CNTN5: variants seen among roughly 807,000 people sequenced by gnomAD.
CNTN5 encodes contactin 5, also known as contactin-5.
In CNTN5, 77 loss-of-function variants were observed where a neutral mutation model predicts 129.1. That is an observed-to-expected ratio of 0.60 (90% CI 0.50 to 0.72). CNTN5 has a LOEUF of 0.72. Ranked by LOEUF, CNTN5 falls within the 30% of genes least tolerant of loss-of-function variation. The pLI is 0.00. For synonymous variants in CNTN5, 509 were observed against 465.6 expected (o/e 1.09, Z -1.20); for missense variants, 1,478 against 1,328.8 (o/e 1.11, Z -1.75).
At chr11:100,201,514 T>A (rs1948776648) in intron 15 of CNTN5, among the ~76,000 whole-genome samples, 1 of 151,968 alleles carries the variant, frequency 6.6e-6, no homozygotes, top group South Asian at 2.1e-4. Context: ...CTAATAACCA[T>A]CTTTTCTCAG....
At chr11:99,024,832 T>C (rs955763100) in intron 1 of CNTN5, among the ~76,000 whole-genome samples, 26 of 151,976 alleles carry the variant, frequency 1.7e-4, no homozygotes, top group Non-Finnish European at 3.8e-4. Flanking sequence ...TAATATAAAA[T>C]AGTGTGAGAT....
intron 2 of CNTN5, among the ~76,000 whole-genome samples, chr11:99,432,497 TTC>T (rs1555143587): frequency 1.0e-4 from 15 of 143,568 alleles, no homozygotes; most frequent in African/African-American, 3.6e-4. Flanking sequence ...TTTCTTTTCT[TTC>T]TTTTCTTTCT....
At chr11:100,142,713 T>C (rs1312445205) in intron 13 of CNTN5, among the ~76,000 whole-genome samples, 2 of 152,188 alleles carry the variant, frequency 1.3e-5, no homozygotes, top group African/African-American at 4.8e-5. Flanking sequence ...ACTGTGTTTC[T>C]TGGTTACCCT....
intron 1 of CNTN5, among the ~76,000 whole-genome samples, chr11:99,157,884 G>A (rs1055748749): frequency 6.6e-6 from 1 of 152,188 alleles, no homozygotes; most frequent in Admixed American, 6.5e-5. Context: ...AAGAAACTGA[G>A]TGGCATATGC....
chr11:100,331,925 G>A (rs1363742550), intron 21 of CNTN5, among the ~76,000 whole-genome samples: 1 of 151,910 alleles, frequency 6.6e-6, no homozygotes, highest in Non-Finnish European at 1.5e-5. Context: ...ACACTTCAGA[G>A]AACTGAAGAA....
chr11:99,788,418 A>G lies in CNTN5; in HGVS notation c.56-31126A>G, dbSNP rs192068522. 4.6e-5 allele frequency among the ~76,000 whole-genome samples: 7 copies of G among 152,112 alleles called. No individual in the cohort carries two copies. In the East Asian group the frequency reaches 1.4e-3, roughly 29 times the overall value. ...GCTCAAAGACAGGACTTATTTCGGT[A>G]TATAAATTTTTGTATACCTATAGAA... On this transcript the variant is annotated intron_variant, in intron 3 of 24. Transcript: ENST00000524871.
chr11:100,070,164 C>G (rs1279896639), intron 10 of CNTN5, among the ~76,000 whole-genome samples: 1 of 86,574 alleles, frequency 1.2e-5, no homozygotes, highest in Non-Finnish European at 2.3e-5. Flanking sequence ...CACTTAAAGT[C>G]CAAAAAAAAA....
intron 8 of CNTN5, among the ~76,000 whole-genome samples, chr11:99,975,636 GGA>G (rs980239139): frequency 3.3e-5 from 5 of 152,110 alleles, no homozygotes; most frequent in African/African-American, 9.7e-5. Context: ...CGTGGCAGCA[GGA>G]GAGAGAGATC....
At chr11:99,883,708 A>G (rs1302326032) in intron 6 of CNTN5, among the ~76,000 whole-genome samples, 5 of 152,218 alleles carry the variant, frequency 3.3e-5, no homozygotes, top group Non-Finnish European at 5.9e-5. Context: ...GTATTTATAA[A>G]GTATGGCTGT....
chr11:99,022,036 G>A (rs868466464), intron 1 of CNTN5, among the ~76,000 whole-genome samples: 2 of 152,086 alleles, frequency 1.3e-5, no homozygotes, highest in Admixed American at 6.5e-5. Context: ...TTAAATCTTA[G>A]AACTGTTCTC....
chr11:100,107,329 A>T (rs1043045344), intron 13 of CNTN5, among the ~76,000 whole-genome samples: 3 of 152,054 alleles, frequency 2.0e-5, no homozygotes, highest in Non-Finnish European at 2.9e-5. Context: ...ATTTATTAAA[A>T]ATAATTTCTA....
rs944087699 is a variant in CNTN5 at position 99,670,345 on chromosome 11, G to A, written c.55+114076G>A. On this transcript the variant is annotated intron_variant, in intron 3 of 24. Coordinates refer to ENST00000524871, the MANE Select transcript of CNTN5 (RefSeq NM_014361.4). ...CCCATTGAAGAATTATGACCCTTTT[G>A]TCTCCTTGAAAAACTAGGAGTCATC... Among the ~76,000 whole-genome samples the A allele has an allele frequency of 6.6e-5, 10 of 152,148 alleles. No individual in the cohort carries two copies. In the East Asian group the frequency reaches 1.7e-3, roughly 27 times the overall value.
At chr11:99,299,229 A>G (rs1864519392) in intron 1 of CNTN5, among the ~76,000 whole-genome samples, 1 of 152,208 alleles carries the variant, frequency 6.6e-6, no homozygotes, top group African/African-American at 2.4e-5. Flanking sequence ...TTACTAGACA[A>G]AAGACTTTAA....
chr11:99,328,034 C>T (rs1231527780), intron 2 of CNTN5, among the ~76,000 whole-genome samples: 1 of 152,110 alleles, frequency 6.6e-6, no homozygotes, highest in Non-Finnish European at 1.5e-5. Flanking sequence ...GTATGCATCT[C>T]TTAGAGAGTA....
At chr11:99,902,035 GTCTTTC>G (rs1949371003) in intron 6 of CNTN5, among the ~76,000 whole-genome samples, 1 of 152,132 alleles carries the variant, frequency 6.6e-6, no homozygotes, top group Admixed American at 6.5e-5. Flanking sequence ...TCAAATCCAT[GTCTTTC>G]TGATTCTAGA....
chr11:99,988,321 A>T (rs1054147748), intron 8 of CNTN5, among the ~76,000 whole-genome samples: 2 of 152,216 alleles, frequency 1.3e-5, no homozygotes, highest in Non-Finnish European at 2.9e-5. Flanking sequence ...TTTTTTGCCC[A>T]GAGTTATGCA....
chr11:99,861,712 G>A (rs1284302423), intron 6 of CNTN5, among the ~76,000 whole-genome samples: 1 of 152,154 alleles, frequency 6.6e-6, no homozygotes, highest in Non-Finnish European at 1.5e-5. Context: ...TGAAGTCGCA[G>A]TAATGTAATT....
intron 4 of CNTN5, among the ~76,000 whole-genome samples, chr11:99,834,670 T>C (rs1947247776): frequency 6.6e-6 from 1 of 152,200 alleles, no homozygotes; most frequent in African/African-American, 2.4e-5. Context: ...ATAGTTATGA[T>C]TTAAAAACTT....
chr11:99,404,738 A>AT (rs572500589), intron 2 of CNTN5, among the ~76,000 whole-genome samples: 23 of 152,008 alleles, frequency 1.5e-4, no homozygotes, highest in Non-Finnish European at 2.8e-4. Context: ...CATAGTTTTT[A>AT]TTTTTTATTG....
Sources: gnomAD v4.1 joint callset for allele counts (sites outside exome capture counted in the v4.1 genomes callset) on GRCh38, gnomAD v4.1.1 for gene constraint, MANE v1.5 for transcripts, NCBI Gene and HGNC (gene_info 2026-07-23, HGNC 2026-07-21) for gene names.